The following ZFHX3 variants were observed in gnomAD, a reference collection of about 807,000 sequenced individuals.
ZFHX3 encodes the protein zinc finger homeobox protein 3.
In ZFHX3, 42 loss-of-function variants were observed where a neutral mutation model predicts 279.1. That is an observed-to-expected ratio of 0.15 (90% CI 0.12 to 0.19). ZFHX3 has a LOEUF of 0.19. Ranked by LOEUF, ZFHX3 falls within the 10% of genes least tolerant of loss-of-function variation. The probability of loss-of-function intolerance (pLI) is 1.00; values close to 1 mark genes in which losing one functional copy is unlikely to be tolerated. For synonymous variants in ZFHX3, 2,293 were observed against 1,957.8 expected (o/e 1.17, Z -4.52); for missense variants, 4,981 against 4,754.0 (o/e 1.05, Z -1.40).
At chr16:72,970,405 T>C (rs2144506807) in intron 1 of ZFHX3, among the ~76,000 whole-genome samples, 2 of 152,292 alleles carry the variant, frequency 1.3e-5, no homozygotes, top group South Asian at 4.1e-4. Context: ...CGTAAGTCTC[T>C]ACCCTGAGTC....
chr16:73,142,111 T>C (rs1031084408), intron 6 of ZFHX3, among the ~76,000 whole-genome samples: 1 of 152,214 alleles, frequency 6.6e-6, no homozygotes, highest in Non-Finnish European at 1.5e-5. Flanking sequence ...TCCCTCCCTT[T>C]GTTTCTTAAA....
chr16:73,399,734 T>A (rs903870555), intron 3 of ZFHX3, among the ~76,000 whole-genome samples: 1 of 152,066 alleles, frequency 6.6e-6, no homozygotes, highest in South Asian at 2.1e-4. Context: ...CATTCCAGCA[T>A]CACCCTAATT....
At chr16:73,877,488 G>T (rs984388249) in intron 1 of ZFHX3, among the ~76,000 whole-genome samples, 1 of 152,058 alleles carries the variant, frequency 6.6e-6, no homozygotes, top group Non-Finnish European at 1.5e-5. Context: ...AATTCAAAAG[G>T]AATCAAGTTG....
intron 1 of ZFHX3, among the ~76,000 whole-genome samples, chr16:73,875,723 A>G (rs938516918): frequency 3.9e-5 from 6 of 152,218 alleles, no homozygotes; most frequent in Non-Finnish European, 8.8e-5. Context: ...AAAGAATCAA[A>G]TAACAAAAGC....
chr16:73,004,245 T>A (rs936579966), intron 1 of ZFHX3, among the ~76,000 whole-genome samples: 1 of 132,248 alleles, frequency 7.6e-6, no homozygotes, highest in Non-Finnish European at 1.6e-5. Flanking sequence ...GCTCAAGCAA[T>A]CCTCCCACCT....
chr16:73,040,345 G>C (rs1880444364), intron 1 of ZFHX3, among the ~76,000 whole-genome samples: 1 of 152,170 alleles, frequency 6.6e-6, no homozygotes, highest in Non-Finnish European at 1.5e-5. Context: ...AGGCCGAGCA[G>C]GAGGGGGTAG....
At chr16:72,928,920 C>G (rs958313154) in intron 3 of ZFHX3, among the ~76,000 whole-genome samples, 3 of 152,106 alleles carry the variant, frequency 2.0e-5, no homozygotes, top group African/African-American at 7.2e-5. Flanking sequence ...TAAAATTGCA[C>G]CACTGCACTC....
At chr16:72,942,597 T>C (rs1265917012) in intron 3 of ZFHX3, among the ~76,000 whole-genome samples, 1 of 152,196 alleles carries the variant, frequency 6.6e-6, no homozygotes, top group African/African-American at 2.4e-5. Context: ...TGGTATACCT[T>C]TGGAATCCAA....
chr16:72,857,756 G>C (rs1041038175), intron 4 of ZFHX3, among the ~76,000 whole-genome samples: 2 of 152,122 alleles, frequency 1.3e-5, no homozygotes, highest in Non-Finnish European at 2.9e-5. Context: ...CAAAAGCTGA[G>C]GAGTTATTTT....
At chr16:73,798,279 G>A (rs1213800182) in intron 1 of ZFHX3, among the ~76,000 whole-genome samples, 1 of 152,016 alleles carries the variant, frequency 6.6e-6, no homozygotes, top group Non-Finnish European at 1.5e-5. Context: ...TCTGGGGGTG[G>A]GGAGGCGGAA....
At chr16:73,620,927 G>T (rs1019981163) in intron 2 of ZFHX3, among the ~76,000 whole-genome samples, 1 of 152,264 alleles carries the variant, frequency 6.6e-6, no homozygotes, top group South Asian at 2.1e-4. Context: ...ACACAGCTTG[G>T]TGGGAATCCC....
intron 1 of ZFHX3, among the ~76,000 whole-genome samples, chr16:73,789,549 G>A (rs1959760522): frequency 1.3e-5 from 2 of 152,076 alleles, no homozygotes; most frequent in Admixed American, 1.3e-4. Context: ...AAAACACACT[G>A]ATGTCTGGAA....
At chr16:73,220,177 G>A (rs577596192) in intron 5 of ZFHX3, among the ~76,000 whole-genome samples, 77 of 152,166 alleles carry the variant, frequency 5.1e-4, no homozygotes, top group African/African-American at 1.7e-3. Flanking sequence ...AACAATAGAC[G>A]CTGGGGACTA....
At chr16:73,190,284 T>A (rs1258329934) in intron 5 of ZFHX3, among the ~76,000 whole-genome samples, 1 of 152,194 alleles carries the variant, frequency 6.6e-6, no homozygotes, top group Non-Finnish European at 1.5e-5. Flanking sequence ...CCTTTGGTAA[T>A]TGTTCCCATT....
intron 2 of ZFHX3, among the ~76,000 whole-genome samples, chr16:73,456,902 G>A (rs1336935737): frequency 6.6e-6 from 1 of 152,184 alleles, no homozygotes; most frequent in Non-Finnish European, 1.5e-5. Flanking sequence ...TATATTCCGA[G>A]CAAAATACTT....
chr16:72,977,745 G>A (rs183402927), intron 1 of ZFHX3, among the ~76,000 whole-genome samples: 24 of 152,284 alleles, frequency 1.6e-4, no homozygotes, highest in Non-Finnish European at 3.5e-4. Flanking sequence ...CCCCAAAAGC[G>A]GGGCAATGAA....
At chr16:73,195,138 C>G (rs1166521026) in intron 5 of ZFHX3, among the ~76,000 whole-genome samples, 1 of 152,148 alleles carries the variant, frequency 6.6e-6, no homozygotes, top group African/African-American at 2.4e-5. Flanking sequence ...TGATTTATTT[C>G]TCTACTTCTA....
chr16:73,872,067 A>G (rs972833651), intron 1 of ZFHX3, among the ~76,000 whole-genome samples: 7 of 152,200 alleles, frequency 4.6e-5, no homozygotes, highest in African/African-American at 1.7e-4. Context: ...TTTGAATTGT[A>G]AGTGAATGAT....
At chr16:73,116,203 C>T (rs1264096081) in intron 7 of ZFHX3, among the ~76,000 whole-genome samples, 1 of 151,884 alleles carries the variant, frequency 6.6e-6, no homozygotes, top group African/African-American at 2.4e-5. Context: ...GTCTTGAAAA[C>T]TGTTCCTACC....
Sources: allele counts gnomAD v4.1 joint callset (sites outside exome capture counted in the v4.1 genomes callset), GRCh38; gene constraint gnomAD v4.1.1; transcripts MANE v1.5; gene names NCBI Gene and HGNC (gene_info 2026-07-23, HGNC 2026-07-21).